BAG4: variants seen among roughly 807,000 people sequenced by gnomAD.
The protein encoded by BAG4 is BAG cochaperone 4.
BAG4 carries 28 observed loss-of-function variants against 52.1 expected under a neutral mutation model. The ratio of observed to expected loss-of-function variants is 0.54; its 90% CI spans 0.40 to 0.74. The LOEUF (loss-of-function observed/expected upper bound fraction) is 0.74, where lower values mean the gene tolerates loss of function less well. Ranked by LOEUF, BAG4 falls within the 30% of genes least tolerant of loss-of-function variation. The pLI is 0.00. For synonymous variants in BAG4, 208 were observed against 217.0 expected (o/e 0.96, Z 0.37); for missense variants, 525 against 572.0 (o/e 0.92, Z 0.84).
intron 1 of BAG4, among the ~76,000 whole-genome samples, chr8:38,182,267 C>T (rs1483018231): frequency 6.6e-6 from 1 of 152,144 alleles, no homozygotes; most frequent in Non-Finnish European, 1.5e-5. Flanking sequence ...ATGTACTTTA[C>T]TAATAATTTT....
intron 1 of BAG4, among the ~76,000 whole-genome samples, chr8:38,181,214 C>T (rs138392137): frequency 6.6e-6 from 1 of 151,336 alleles, no homozygotes; most frequent in Non-Finnish European, 1.5e-5. Context: ...CAGGCGTGAG[C>T]CACCGCGCCC....
intron 1 of BAG4, among the ~76,000 whole-genome samples, chr8:38,186,389 G>A (rs1803367417): frequency 6.6e-6 from 1 of 152,098 alleles, no homozygotes; most frequent in South Asian, 2.1e-4. Flanking sequence ...TGTTTTATCT[G>A]GAAGCAGAAG....
chr8:38,177,054 G>C lies in BAG4; in HGVS notation c.185G>C (p.Trp62Ser). The C allele has an allele frequency of 6.2e-7, 1 of 1,610,244 alleles. No homozygotes were observed. Among genetic ancestry groups the C allele is most frequent in the Non-Finnish European group, 8.5e-7 (1 of 1,178,780 alleles). Reference sequence around the variant, plus strand: ...GGGGGCGGCCCGGCGGAGACCACCTGGCTGGGAGAAGGCGGAGGAGGCGAT... The same window carrying C: ...GGGGGCGGCCCGGCGGAGACCACCTCGCTGGGAGAAGGCGGAGGAGGCGAT... ...VRGGGPAETT[W>S]LGEGGGGDGY... Residue 62 changes from tryptophan (W) to serine (S), a missense_variant, in exon 1 of 5, where the codon TGG becomes TCG. By Grantham distance (177) the Trp-to-Ser change is radical (BLOSUM62 -3). Around this residue, in one of 2 missense-constraint regions of BAG4, gnomAD observed 287 missense variants for 266.1 expected, o/e 1.08. Coordinates refer to ENST00000287322, the MANE Select transcript of BAG4 (RefSeq NM_004874.4).
At chr8:38,178,249 G>A (rs1803203093) in intron 1 of BAG4, among the ~76,000 whole-genome samples, 1 of 148,598 alleles carries the variant, frequency 6.7e-6, no homozygotes, top group Non-Finnish European at 1.5e-5. Flanking sequence ...TCCGCCTCCC[G>A]GTTTAAGCGA....
At chr8:38,201,834 TTATATATATATATATATATATATA>T (rs1161588689) in intron 2 of BAG4, 28 of 45,166 alleles carry the variant, frequency 6.2e-4, no homozygotes, top group African/African-American at 2.6e-3. Flanking sequence ...AGTGTGGAAT[TTATATATATATATATATATATATA>T]TATATATATA....
At chr8:38,180,522 CAAAAAAAAA>C (rs1161178024) in intron 1 of BAG4, among the ~76,000 whole-genome samples, 2 of 26,492 alleles carry the variant, frequency 7.5e-5, no homozygotes, top group African/African-American at 2.7e-4. Context: ...GACTCCGTCT[CAAAAAAAAA>C]AAAAAAAAAA....
At chr8:38,189,596 G>T (rs1803434296) in intron 1 of BAG4, among the ~76,000 whole-genome samples, 1 of 152,098 alleles carries the variant, frequency 6.6e-6, no homozygotes, top group South Asian at 2.1e-4. Context: ...TTCTTCTCTA[G>T]GCCCCAGGTT....
intron 1 of BAG4, among the ~76,000 whole-genome samples, chr8:38,191,627 G>A (rs1332533362): frequency 6.6e-6 from 1 of 152,064 alleles, no homozygotes; most frequent in Non-Finnish European, 1.5e-5. Context: ...GGGCGTGGTG[G>A]CAGGTGCCTG....
Position 38,176,959 on chromosome 8 carries a change from A to G in BAG4, c.90A>G (p.Val30=), listed in dbSNP as rs778161511. The G allele has an allele frequency of 1.9e-5, 30 of 1,566,290 alleles. No individual in the cohort carries two copies. The East Asian group carries it at 7.1e-4, about 37-fold the overall frequency. Residue 30 remains valine, a synonymous_variant, in exon 1 of 5, where the codon GTA becomes GTG. Transcript: ENST00000287322. The part of the protein sequence containing the change: ...YYGPGGGDVP[V]HPPPPLYPLR... ...GGCCTGGGGGTGGAGATGTGCCGGT[A>G]CACCCACCTCCACCCTTATATCCTC...
chr8:38,177,139 G>A lies in BAG4; in HGVS notation c.270G>A (p.Gln90=). The change falls in exon 1 of 5, where the codon CAG becomes CAA. Residue 90 remains glutamine, a splice_region_variant and synonymous_variant. Transcript: ENST00000287322. ...CTGGTCGAGCCGGAGGAAGCCACCA[G>A]GTAAGCTTTGCACCCTCTGTCCTTG... ...PEPGRAGGSH[Q]EQPPYPSYNS... is the part of the protein sequence containing the mutation. 1 of 1,612,864 alleles carries A rather than the reference G, an allele frequency of 6.2e-7. No homozygotes were observed. Among genetic ancestry groups the A allele is most frequent in the African/African-American group, 1.3e-5 (1 of 75,052 alleles).
At chr8:38,183,269 G>A (rs1803305058) in intron 1 of BAG4, among the ~76,000 whole-genome samples, 2 of 151,866 alleles carry the variant, frequency 1.3e-5, no homozygotes, top group Non-Finnish European at 1.5e-5. Context: ...GGATGGTCTC[G>A]ATCTCCTGAC....
At chr8:38,188,960 A>ATT (rs200005875) in intron 1 of BAG4, among the ~76,000 whole-genome samples, 55 of 132,690 alleles carry the variant, frequency 4.1e-4, no homozygotes, top group Admixed American at 3.5e-3. Context: ...TGCCCGGCTA[A>ATT]TTTTTTTTTT....
intron 2 of BAG4, among the ~76,000 whole-genome samples, chr8:38,203,533 T>A (rs775024212): frequency 7.2e-5 from 11 of 152,158 alleles, no homozygotes; most frequent in Non-Finnish European, 1.6e-4. Flanking sequence ...TCCGCCCACC[T>A]TGGCCTCCCA....
At chr8:38,181,580 T>C (rs1256909960) in intron 1 of BAG4, among the ~76,000 whole-genome samples, 2 of 151,344 alleles carry the variant, frequency 1.3e-5, no homozygotes, top group African/African-American at 4.9e-5. Flanking sequence ...CTACTAAAAA[T>C]ACAAAAATTA....
chr8:38,211,929 G>A lies in BAG4; in HGVS notation c.*1436G>A, dbSNP rs1327341122. ...CTGTTTCTTCATAAGATACCCAAGT[G>A]ATAATTTTTTTTCCCCTAGACTGTC... On this transcript the variant is annotated 3_prime_UTR_variant, in exon 5 of 5. Transcript: ENST00000287322. The A allele has an allele frequency of 6.6e-6, 1 of 152,096 alleles. No homozygotes were observed. Among genetic ancestry groups the A allele is most frequent in the Non-Finnish European group, 1.5e-5 (1 of 67,992 alleles). 9.4% of individuals were successfully genotyped at this position (152,096 alleles called of 1,614,324 possible).
chr8:38,179,244 C>T (rs1366111715), intron 1 of BAG4, among the ~76,000 whole-genome samples: 1 of 152,090 alleles, frequency 6.6e-6, no homozygotes, highest in Non-Finnish European at 1.5e-5. Flanking sequence ...ACTGCAACCT[C>T]TGCCTCCCGG....
At chr8:38,182,751 A>G (rs1296465419) in intron 1 of BAG4, among the ~76,000 whole-genome samples, 1 of 152,228 alleles carries the variant, frequency 6.6e-6, no homozygotes, top group African/African-American at 2.4e-5. Flanking sequence ...GCCATGAGCT[A>G]CAGACTTTCA....
chr8:38,181,808 T>G (rs979288754), intron 1 of BAG4, among the ~76,000 whole-genome samples: 3 of 132,346 alleles, frequency 2.3e-5, no homozygotes, highest in African/African-American at 8.7e-5. Flanking sequence ...TGAGAATTGC[T>G]CAAACCAGGG....
chr8:38,178,969 TAAAAATAA>T (rs563953188), intron 1 of BAG4, among the ~76,000 whole-genome samples: 1 of 135,822 alleles, frequency 7.4e-6, no homozygotes, highest in African/African-American at 2.8e-5. Flanking sequence ...ACCTTGTCTC[TAAAAATAA>T]AAAAATAAAA....
Sources: gnomAD v4.1 joint callset for allele counts (sites outside exome capture counted in the v4.1 genomes callset) on GRCh38, gnomAD v4.1.1 for gene constraint, gnomAD v4.1.1 regional missense constraint, MANE v1.5 for transcripts, NCBI Gene and HGNC (gene_info 2026-07-23, HGNC 2026-07-21) for gene names.